INPP5D: variants seen among roughly 807,000 people sequenced by gnomAD.
The protein encoded by INPP5D is inositol polyphosphate-5-phosphatase D.
A neutral mutation model predicts 122.9 loss-of-function variants in INPP5D; 33 were observed. The observed-to-expected ratio is 0.27, with a 90% CI of 0.20 to 0.36. The LOEUF (loss-of-function observed/expected upper bound fraction) is 0.36, where lower values mean the gene tolerates loss of function less well. Among genes scored for constraint, INPP5D ranks in the 10% least tolerant of loss-of-function variants. The probability of loss-of-function intolerance (pLI) is 1.00; values close to 1 mark genes in which losing one functional copy is unlikely to be tolerated. For missense variants in INPP5D, 1,053 were observed against 1,412.7 expected (o/e 0.75, Z 4.08); for synonymous variants, 584 against 576.2 (o/e 1.01, Z -0.19).
In INPP5D at chr2:233,188,092, G is replaced by A. The variant is rs911395739; in HGVS notation, c.2359-1758G>A. ...CTCCTGCCTCTTGCTGAGGCATCCTGAACGCTGATGGATCTTTCTGGAATG... is the reference window on the plus strand; with the variant it reads ...CTCCTGCCTCTTGCTGAGGCATCCTAAACGCTGATGGATCTTTCTGGAATG... On this transcript the variant is annotated intron_variant, in intron 21 of 26. Transcript: ENST00000445964. The surrounding 1 kb of genome is among the most constrained non-coding windows in gnomAD (Gnocchi z 4.7). 2.6e-5 allele frequency among the ~76,000 whole-genome samples: 4 copies of A among 151,970 alleles called. No homozygotes were observed. Among genetic ancestry groups the A allele is most frequent in the African/African-American group, 9.7e-5 (4 of 41,360 alleles).
chr2:233,163,870 C>T lies in INPP5D; in HGVS notation c.1404C>T (p.Ser468=), dbSNP rs1456304585. The change falls in exon 12 of 27, where the codon TCC becomes TCT. Residue 468 remains serine (S), a synonymous_variant. Transcript: ENST00000445964. Reference sequence around the variant, plus strand: ...AGTGGCTGGAGATCCTCAAACACTCCCTGCAAGAAATCACCAGTGTGACTT... The same window carrying T: ...AGTGGCTGGAGATCCTCAAACACTCTCTGCAAGAAATCACCAGTGTGACTT... ...EKEWLEILKH[S]LQEITSVTFK... The T allele has an allele frequency of 7.4e-6, 12 of 1,613,838 alleles. No homozygotes were observed. The highest frequency in any genetic ancestry group is 4.5e-5 in the East Asian group (2 of 44,872).
At chr2:233,095,178 A>G (rs1266336114) in intron 2 of INPP5D, among the ~76,000 whole-genome samples, 1 of 152,252 alleles carries the variant, frequency 6.6e-6, no homozygotes, top group Non-Finnish European at 1.5e-5. Flanking sequence ...TTAATAAAAA[A>G]GTTGCAGGGT....
At position 233,105,812 on chromosome 2, in the gene INPP5D, G is replaced by A. The variant is rs1692451545; in HGVS notation, c.199-16295G>A. Among the ~76,000 whole-genome samples, 1 of 152,160 alleles carries A rather than the reference G, an allele frequency of 6.6e-6. No individual in the cohort carries two copies. The highest frequency in any genetic ancestry group is 2.1e-4 in the South Asian group (1 of 4,830). On this transcript the variant is annotated intron_variant, in intron 2 of 26. Coordinates refer to ENST00000445964, the MANE Select transcript of INPP5D (RefSeq NM_001017915.3). This position sits in a 1 kb window ranked among gnomAD's most constrained non-coding sequence, Gnocchi z 4.0. ...GCAAGTGGAGGGTGCCAGGGAGAGA[G>A]TGGCTCTGGGGGGCCACAGTGGGGT...
At chr2:233,169,196 G>A in intron 13 of INPP5D, 109 bp from the exon 14 acceptor site, 1 of 1,497,516 alleles carries the variant, frequency 6.7e-7, no homozygotes, top group Non-Finnish European at 9.0e-7. Context: ...CCCATCCCTT[G>A]CCAGCTCCTC....
At chr2:233,104,603 T>TGGGGAG (rs1428360229) in intron 2 of INPP5D, among the ~76,000 whole-genome samples, 1 of 151,992 alleles carries the variant, frequency 6.6e-6, no homozygotes, top group Non-Finnish European at 1.5e-5. Context: ...GGGCCATGGT[T>TGGGGAG]GGGGAGGAAG....
At position 233,180,362 on chromosome 2, in the gene INPP5D, TA is replaced by T. The variant is rs74510971; in HGVS notation, c.2072-2037del. Among the ~76,000 whole-genome samples the T allele has an allele frequency of 4.4e-4, 63 of 144,660 alleles. No individual in the cohort carries two copies. In the South Asian group the frequency reaches 5.1e-3, roughly 12 times the overall value. The allele number at this position is 144,660 out of a possible 152,430, so 94.9% of individuals were successfully genotyped here. Reference sequence around the variant, plus strand: ...ATATCTGAAATATTCTGAGAATGCTTAAAAAAAAAAACCCTGCTCGTCAACC... The same window carrying T: ...ATATCTGAAATATTCTGAGAATGCTTAAAAAAAAAACCCTGCTCGTCAACC... On this transcript the variant is annotated intron_variant, in intron 18 of 26. Coordinates refer to ENST00000445964, the MANE Select transcript of INPP5D (RefSeq NM_001017915.3).
Position 233,177,204 on chromosome 2 carries a change from T to C in INPP5D, c.1990-61T>C. On this transcript the variant is annotated intron_variant, in intron 17 of 26. Coordinates refer to ENST00000445964, the MANE Select transcript of INPP5D (RefSeq NM_001017915.3). The surrounding 1 kb of genome is among the most constrained non-coding windows in gnomAD (Gnocchi z 4.2). ...AGAGGCCACCAGTTAATCTGTTCTT[T>C]TACTGATTAAAAAAATAATAATAAG... is the stretch of plus-strand genomic sequence containing the variant. The C allele has an allele frequency of 6.2e-7, 1 of 1,602,194 alleles. No individual in the cohort carries two copies. Among genetic ancestry groups the C allele is most frequent in the Non-Finnish European group, 8.5e-7 (1 of 1,171,284 alleles).
intron 12 of INPP5D, 76 bp downstream of exon 12, chr2:233,163,979 G>A: frequency 6.5e-7 from 1 of 1,549,208 alleles, no homozygotes; most frequent in South Asian, 1.2e-5. Flanking sequence ...AGAGGCAAGG[G>A]TGGGCTCAGC....
chr2:233,073,618 C>T (rs1467400805), intron 1 of INPP5D, among the ~76,000 whole-genome samples: 3 of 121,270 alleles, frequency 2.5e-5, no homozygotes, highest in Admixed American at 1.1e-4. Context: ...CCAGCCTGGG[C>T]GACAAGAGCG....
intron 1 of INPP5D, among the ~76,000 whole-genome samples, chr2:233,066,424 C>T (rs959783667): frequency 6.6e-6 from 1 of 152,222 alleles, no homozygotes; most frequent in African/African-American, 2.4e-5. Context: ...TCCTGAGGAG[C>T]AAGGCTCTGT....
intron 1 of INPP5D, among the ~76,000 whole-genome samples, chr2:233,072,055 T>C (rs1404093766): frequency 1.3e-5 from 2 of 152,222 alleles, no homozygotes; most frequent in African/African-American, 4.8e-5. Context: ...GTGGGGAATA[T>C]TGGAAAAAGA....
chr2:233,089,174 G>A (rs1256753020), intron 2 of INPP5D, among the ~76,000 whole-genome samples: 1 of 152,154 alleles, frequency 6.6e-6, no homozygotes, highest in Non-Finnish European at 1.5e-5. Context: ...AGAGAGCCTT[G>A]AGGACACGGG....
At chr2:233,109,126 C>A (rs1262130916) in intron 2 of INPP5D, among the ~76,000 whole-genome samples, 1 of 152,220 alleles carries the variant, frequency 6.6e-6, no homozygotes, top group Admixed American at 6.5e-5. Context: ...CAAAATGAGA[C>A]CTGCCTTGCT....
intron 1 of INPP5D, among the ~76,000 whole-genome samples, chr2:233,070,670 T>C (rs945875822): frequency 6.6e-6 from 1 of 152,094 alleles, no homozygotes; most frequent in Non-Finnish European, 1.5e-5. Context: ...TTCAAACTCC[T>C]GACCTTGTGG....
intron 2 of INPP5D, among the ~76,000 whole-genome samples, chr2:233,085,940 G>C (rs1342722967): frequency 6.6e-6 from 1 of 152,156 alleles, no homozygotes; most frequent in African/African-American, 2.4e-5. Context: ...TCATGGGCCT[G>C]TTTCCTGTCT....
chr2:233,112,149 C>T (rs140077765), intron 2 of INPP5D, among the ~76,000 whole-genome samples: 86 of 151,594 alleles, frequency 5.7e-4, no homozygotes, highest in African/African-American at 1.8e-3. Context: ...ACGATTCTTG[C>T]CTGAATCAGT....
At chr2:233,066,928 C>A (rs1368027512) in intron 1 of INPP5D, among the ~76,000 whole-genome samples, 2 of 152,180 alleles carry the variant, frequency 1.3e-5, no homozygotes, top group Non-Finnish European at 2.9e-5. Context: ...CAGGTGCCTC[C>A]CATCACACCC....
intron 13 of INPP5D, 61 bp from the exon 14 acceptor site, chr2:233,169,244 T>C (rs1236914014): frequency 6.5e-7 from 1 of 1,550,020 alleles, no homozygotes; most frequent in Non-Finnish European, 8.7e-7. Flanking sequence ...GGGTGATTTC[T>C]GGCCCCTTGG....
At chr2:233,089,989 C>G in intron 2 of INPP5D, among the ~76,000 whole-genome samples, 1 of 152,214 alleles carries the variant, frequency 6.6e-6, no homozygotes, top group South Asian at 2.1e-4. Flanking sequence ...CAAACAATCC[C>G]CCCGCCCAGC....
Sources: allele counts gnomAD v4.1 joint callset (sites outside exome capture counted in the v4.1 genomes callset), GRCh38; gene constraint gnomAD v4.1.1; non-coding constraint Gnocchi (gnomAD v3.1); transcripts MANE v1.5; gene names NCBI Gene and HGNC (gene_info 2026-07-23, HGNC 2026-07-21).